Variants in ARHGAP35 observed in about 807,000 individuals in gnomAD.
ARHGAP35 encodes the protein Rho GTPase activating protein 35.
A neutral mutation model predicts 111.1 loss-of-function variants in ARHGAP35; 15 were observed. That is an observed-to-expected ratio of 0.13 (90% CI 0.09 to 0.21). ARHGAP35 has a LOEUF of 0.21. Ranked by LOEUF, ARHGAP35 falls within the 10% of genes least tolerant of loss-of-function variation. The pLI is 1.00. For missense variants in ARHGAP35, 1,262 were observed against 1,873.0 expected (o/e 0.67, Z 6.02); for synonymous variants, 643 against 710.3 (o/e 0.91, Z 1.51).
At chr19:46,935,023 G>A (rs762404288) in intron 2 of ARHGAP35, among the ~76,000 whole-genome samples, 7 of 152,188 alleles carry the variant, frequency 4.6e-5, no homozygotes, top group Non-Finnish European at 8.8e-5. Context: ...TAGAGACACA[G>A]TATAGACTCG....
rs1381068800 is a variant in ARHGAP35 at position 46,904,026 on chromosome 19, A to C, written c.-188-14462A>C. 3.9e-5 allele frequency among the ~76,000 whole-genome samples: 6 copies of C among 152,160 alleles called. No individual in the cohort carries two copies. In the East Asian group the frequency reaches 1.2e-3, roughly 29 times the overall value. On this transcript the variant is annotated intron_variant, in intron 1 of 6. Transcript: ENST00000672722. ...GGGGTGGAGATTATTGCTTTAATAA[A>C]TGGGACTGGCTGGATGTCATTCTTT... is the stretch of plus-strand genomic sequence containing the variant.
chr19:46,974,718 C>G (rs1303594813), intron 3 of ARHGAP35, among the ~76,000 whole-genome samples: 1 of 152,106 alleles, frequency 6.6e-6, no homozygotes, highest in Non-Finnish European at 1.5e-5. Flanking sequence ...CAATCTCCAG[C>G]CCCTCTCCCC....
chr19:46,863,348 T>C (rs2055839115), intron 1 of ARHGAP35, among the ~76,000 whole-genome samples: 1 of 152,198 alleles, frequency 6.6e-6, no homozygotes, highest in Non-Finnish European at 1.5e-5. Context: ...GGTTGGTTGA[T>C]TGTTACTACT....
intron 2 of ARHGAP35, among the ~76,000 whole-genome samples, chr19:46,936,680 T>C (rs541534559): frequency 2.8e-4 from 42 of 152,302 alleles, no homozygotes; most frequent in Non-Finnish European, 5.0e-4. Flanking sequence ...TGTTATTTTA[T>C]TACATAAACA....
intron 1 of ARHGAP35, among the ~76,000 whole-genome samples, chr19:46,869,062 C>T (rs1453569430): frequency 1.3e-5 from 2 of 151,720 alleles, no homozygotes; most frequent in African/African-American, 2.4e-5. Flanking sequence ...CTTGCCACCA[C>T]GCCTGGCTAG....
chr19:46,908,501 A>C lies in ARHGAP35; in HGVS notation c.-188-9987A>C, dbSNP rs1241932659. On this transcript the variant is annotated intron_variant, in intron 1 of 6. Transcript: ENST00000672722. The surrounding 1 kb of genome is among the most constrained non-coding windows in gnomAD (Gnocchi z 4.2). Reference sequence around the variant, plus strand: ...TTGGTTTTTGTTGTTGTTTTTCTTAATATAGGTAATCCAGAAATTATGCTA... The same window carrying C: ...TTGGTTTTTGTTGTTGTTTTTCTTACTATAGGTAATCCAGAAATTATGCTA... Among the ~76,000 whole-genome samples the C allele has an allele frequency of 6.6e-6, 1 of 152,140 alleles. No individual in the cohort carries two copies. The highest frequency in any genetic ancestry group is 1.5e-5 in the Non-Finnish European group (1 of 68,046).
chr19:46,951,217 C>T (rs917080159), intron 3 of ARHGAP35, among the ~76,000 whole-genome samples: 1 of 152,228 alleles, frequency 6.6e-6, no homozygotes, highest in Non-Finnish European at 1.5e-5. Context: ...AATTTCACCA[C>T]TAATTGATGC....
At chr19:46,983,930 T>G (rs2056635116) in intron 3 of ARHGAP35, among the ~76,000 whole-genome samples, 1 of 152,176 alleles carries the variant, frequency 6.6e-6, no homozygotes, top group Non-Finnish European at 1.5e-5. Context: ...ATTCCCATTC[T>G]TGATTGTAGC....
chr19:46,875,251 CAG>C (rs1263226441), intron 1 of ARHGAP35, among the ~76,000 whole-genome samples: 1 of 152,104 alleles, frequency 6.6e-6, no homozygotes, highest in Non-Finnish European at 1.5e-5. Flanking sequence ...GGGAGAGTAA[CAG>C]ATCTTCAGTT....
intron 5 of ARHGAP35, among the ~76,000 whole-genome samples, chr19:46,990,722 G>GGAGGT (rs1361153831): frequency 6.6e-6 from 1 of 152,202 alleles, no homozygotes; most frequent in Admixed American, 6.5e-5. Context: ...GAAATTTGAG[G>GGAGGT]GAGGTGATGG....
chr19:46,906,213 G>A (rs1184518503), intron 1 of ARHGAP35, among the ~76,000 whole-genome samples: 1 of 152,150 alleles, frequency 6.6e-6, no homozygotes, highest in Non-Finnish European at 1.5e-5. Flanking sequence ...GGGAGGCTTG[G>A]TGGGAGGATT....
chr19:46,943,100 G>A (rs1354942340), intron 3 of ARHGAP35, among the ~76,000 whole-genome samples: 1 of 151,650 alleles, frequency 6.6e-6, no homozygotes, highest in Non-Finnish European at 1.5e-5. Flanking sequence ...GAGTACAATG[G>A]TGCAGTCGTA....
intron 1 of ARHGAP35, among the ~76,000 whole-genome samples, chr19:46,866,626 A>G (rs1046470440): frequency 3.3e-5 from 5 of 151,592 alleles, no homozygotes; most frequent in Non-Finnish European, 7.4e-5. Flanking sequence ...TCCTGTTGCT[A>G]CTCTTTGATT....
At chr19:46,949,438 G>A (rs2056399824) in intron 3 of ARHGAP35, among the ~76,000 whole-genome samples, 1 of 152,228 alleles carries the variant, frequency 6.6e-6, no homozygotes, top group Admixed American at 6.5e-5. Context: ...ACCCGACATT[G>A]TGTTGTGCCT....
intron 5 of ARHGAP35, among the ~76,000 whole-genome samples, chr19:46,996,135 G>C (rs1350689841): frequency 6.6e-6 from 1 of 152,156 alleles, no homozygotes; most frequent in Non-Finnish European, 1.5e-5. Context: ...ATGGAGTCTT[G>C]CTCTGTCACC....
At chr19:46,882,385 G>A (rs182582608) in intron 1 of ARHGAP35, among the ~76,000 whole-genome samples, 75 of 152,072 alleles carry the variant, frequency 4.9e-4, no homozygotes, top group African/African-American at 1.8e-3. Context: ...CAGTTGTCCC[G>A]CCTTGGCCTC....
At chr19:46,953,300 A>G (rs1036950737) in intron 3 of ARHGAP35, among the ~76,000 whole-genome samples, 1 of 152,188 alleles carries the variant, frequency 6.6e-6, no homozygotes, top group African/African-American at 2.4e-5. Context: ...TCCGGGGTGA[A>G]CATTAACATT....
chr19:46,977,167 G>A (rs2056584330), intron 3 of ARHGAP35, among the ~76,000 whole-genome samples: 1 of 152,186 alleles, frequency 6.6e-6, no homozygotes, highest in Non-Finnish European at 1.5e-5. Context: ...GCCCTGTGGG[G>A]ACTCCCAGCC....
At chr19:46,968,948 G>A (rs1004211471) in intron 3 of ARHGAP35, among the ~76,000 whole-genome samples, 4 of 152,132 alleles carry the variant, frequency 2.6e-5, no homozygotes, top group East Asian at 1.9e-4. Flanking sequence ...TTAGCCGGGC[G>A]TAGTGGTGTG....
Sources: gnomAD v4.1 joint callset for allele counts (sites outside exome capture counted in the v4.1 genomes callset) on GRCh38, gnomAD v4.1.1 for gene constraint, Gnocchi (gnomAD v3.1) non-coding constraint, MANE v1.5 for transcripts, NCBI Gene and HGNC (gene_info 2026-07-23, HGNC 2026-07-21) for gene names.